WWOX: variants seen among roughly 807,000 people sequenced by gnomAD.
WWOX encodes WW domain-containing oxidoreductase.
Under a neutral mutation model 46.2 loss-of-function variants are expected in WWOX, and 69 were observed. The ratio of observed to expected loss-of-function variants is 1.49; its 90% CI spans 1.23 to 1.82. The LOEUF is 1.82. Ranked by LOEUF, WWOX falls within the 40% of genes most tolerant of loss-of-function variation. The pLI, the probability that WWOX is intolerant of heterozygous loss-of-function variation, is 0.00. For synonymous variants in WWOX, 359 were observed against 202.6 expected (o/e 1.77, Z -6.56); for missense variants, 919 against 542.6 (o/e 1.69, Z -6.89).
chr16:78,438,446 C>A (rs1423141033), intron 8 of WWOX, among the ~76,000 whole-genome samples: 1 of 144,772 alleles, frequency 6.9e-6, no homozygotes, highest in East Asian at 2.1e-4. Flanking sequence ...GCTGCCACCA[C>A]CGCCAACCCC....
intron 5 of WWOX, among the ~76,000 whole-genome samples, chr16:78,187,247 G>A (rs572960444): frequency 5.9e-4 from 90 of 152,228 alleles, no homozygotes; most frequent in Non-Finnish European, 1.0e-3. Context: ...CTTCACACAT[G>A]GCCGAGTTAT....
chr16:79,188,382 CT>C (rs2051062140), intron 8 of WWOX, among the ~76,000 whole-genome samples: 2 of 145,572 alleles, frequency 1.4e-5, no homozygotes, highest in African/African-American at 5.2e-5. Context: ...TGCTCTCTCT[CT>C]TTTTTCGGTA....
intron 6 of WWOX, among the ~76,000 whole-genome samples, chr16:78,419,422 T>C (rs1000984689): frequency 1.3e-5 from 2 of 152,172 alleles, no homozygotes; most frequent in Middle Eastern, 3.4e-3. Flanking sequence ...CAGTGTCATA[T>C]TGGCATAAGA....
intron 8 of WWOX, among the ~76,000 whole-genome samples, chr16:78,771,192 A>T (rs947691152): frequency 1.3e-5 from 2 of 152,170 alleles, no homozygotes; most frequent in Admixed American, 6.5e-5. Context: ...TGAACACAGA[A>T]CTGACCGGAA....
At chr16:78,926,661 T>G (rs2045505568) in intron 8 of WWOX, among the ~76,000 whole-genome samples, 1 of 152,230 alleles carries the variant, frequency 6.6e-6, no homozygotes, top group South Asian at 2.1e-4. Flanking sequence ...TACACTGGTA[T>G]GACCTTTATC....
intron 8 of WWOX, among the ~76,000 whole-genome samples, chr16:78,832,601 G>C (rs1197054714): frequency 6.6e-6 from 1 of 152,146 alleles, no homozygotes; most frequent in Non-Finnish European, 1.5e-5. Context: ...GTGGCATGGA[G>C]TGTGGGAAAA....
At chr16:78,947,126 G>C (rs1183620510) in intron 8 of WWOX, among the ~76,000 whole-genome samples, 1 of 148,548 alleles carries the variant, frequency 6.7e-6, no homozygotes, top group East Asian at 1.9e-4. Flanking sequence ...GGGGGAAAAA[G>C]GAATGCACAT....
chr16:78,109,744 T>C, intron 2 of WWOX, 34 bp from the exon 3 acceptor site: 1 of 1,613,488 alleles, frequency 6.2e-7, no homozygotes, highest in Non-Finnish European at 8.5e-7. Context: ...TACTTCTCCC[T>C]GGCACCTGTA....
intron 8 of WWOX, among the ~76,000 whole-genome samples, chr16:78,811,447 T>A (rs2051185803): frequency 6.6e-6 from 1 of 152,076 alleles, no homozygotes; most frequent in African/African-American, 2.4e-5. Flanking sequence ...TTTCTTCCTT[T>A]CCTTTCCCTT....
chr16:78,922,229 C>G (rs981932103), intron 8 of WWOX, among the ~76,000 whole-genome samples: 1 of 152,016 alleles, frequency 6.6e-6, no homozygotes, highest in African/African-American at 2.4e-5. Context: ...ATTGTTGGTC[C>G]TTTAAGAATG....
intron 8 of WWOX, among the ~76,000 whole-genome samples, chr16:78,640,241 T>G (rs1434968222): frequency 4.8e-5 from 7 of 144,898 alleles, no homozygotes; most frequent in Admixed American, 4.2e-4. Context: ...TTTTTTTTTT[T>G]TTTTTTTTTT....
chr16:78,335,364 GA>G (rs2080865056), intron 5 of WWOX, among the ~76,000 whole-genome samples: 1 of 152,130 alleles, frequency 6.6e-6, no homozygotes, highest in African/African-American at 2.4e-5. Flanking sequence ...ACTTATAAAC[GA>G]GAGCATGCAG....
intron 8 of WWOX, among the ~76,000 whole-genome samples, chr16:78,718,253 C>T (rs1052836945): frequency 6.6e-6 from 1 of 151,748 alleles, no homozygotes; most frequent in African/African-American, 2.4e-5. Context: ...TGTTGTACCA[C>T]AGAGACCATA....
intron 1 of WWOX, among the ~76,000 whole-genome samples, chr16:78,107,774 A>C (rs772678365): frequency 1.3e-5 from 2 of 152,194 alleles, no homozygotes; most frequent in Non-Finnish European, 2.9e-5. Flanking sequence ...GTTCCAGTCC[A>C]GCCTGGGCAA....
At chr16:78,119,262 T>C (rs1436388985) in intron 4 of WWOX, among the ~76,000 whole-genome samples, 1 of 152,242 alleles carries the variant, frequency 6.6e-6, no homozygotes, top group African/African-American at 2.4e-5. Flanking sequence ...CGGTGAACAT[T>C]ACATGCAAAT....
intron 5 of WWOX, among the ~76,000 whole-genome samples, chr16:78,251,977 G>T (rs1048679699): frequency 6.6e-6 from 1 of 152,208 alleles, no homozygotes; most frequent in Non-Finnish European, 1.5e-5. Context: ...CAACAGGGAA[G>T]ATTAGAATGA....
chr16:78,193,901 G>A (rs186551806), intron 5 of WWOX, among the ~76,000 whole-genome samples: 383 of 146,918 alleles, frequency 2.6e-3, no homozygotes, highest in Non-Finnish European at 3.1e-3. Flanking sequence ...TTTTTGAGAC[G>A]GACTCTCGCA....
intron 8 of WWOX, among the ~76,000 whole-genome samples, chr16:79,074,574 A>G (rs1307423359): frequency 6.6e-6 from 1 of 151,980 alleles, no homozygotes; most frequent in Non-Finnish European, 1.5e-5. Context: ...GAAATGGAGT[A>G]GCATTCTACA....
At chr16:79,144,568 T>G (rs2050150132) in intron 8 of WWOX, among the ~76,000 whole-genome samples, 1 of 152,206 alleles carries the variant, frequency 6.6e-6, no homozygotes, top group Non-Finnish European at 1.5e-5. Context: ...ACTAAGCTAT[T>G]GAATTTTGGA....
Sources: allele counts gnomAD v4.1 joint callset (sites outside exome capture counted in the v4.1 genomes callset), GRCh38; gene constraint gnomAD v4.1.1; transcripts MANE v1.5; gene names NCBI Gene and HGNC (gene_info 2026-07-23, HGNC 2026-07-21).